The following MICALL1 variants were observed in gnomAD, a reference collection of about 807,000 sequenced individuals.
MICALL1 encodes the protein MICAL-like protein 1.
In MICALL1, 61 loss-of-function variants were observed where a neutral mutation model predicts 83.7. That is an observed-to-expected ratio of 0.73 (90% CI 0.59 to 0.90). MICALL1 has a LOEUF of 0.90. Ranked by LOEUF, MICALL1 falls within the 40% of genes least tolerant of loss-of-function variation. The pLI, the probability that MICALL1 is intolerant of heterozygous loss-of-function variation, is 0.00. For missense variants in MICALL1, 1,066 were observed against 1,152.0 expected, an observed-to-expected ratio of 0.93 and a Z score of 1.08; for synonymous variants, 481 against 473.6, an observed-to-expected ratio of 1.02 and a Z score of -0.20.
At chr22:37,927,350 G>T in intron 8 of MICALL1, 61 bp from the exon 9 acceptor site, 1 of 1,466,708 alleles carries the variant, frequency 6.8e-7, no homozygotes. Context: ...GAGCCGGGAG[G>T]TGGGGCTGGA....
intron 13 of MICALL1, 25 bp from the exon 14 acceptor site, chr22:37,937,054 GC>G: frequency 6.5e-7 from 1 of 1,544,516 alleles, no homozygotes; most frequent in Non-Finnish European, 8.8e-7. Flanking sequence ...TACCACTCAT[GC>G]CCCCTAACTT....
At chr22:37,938,584 G>C (rs1460401059) in intron 15 of MICALL1, among the ~76,000 whole-genome samples, 4 of 149,320 alleles carry the variant, frequency 2.7e-5, no homozygotes, top group African/African-American at 4.9e-5. Flanking sequence ...CTCCTGAGTT[G>C]CTGGGACTAC....
In MICALL1 at chr22:37,906,773, C is replaced by G. The variant is rs2145865916; in HGVS notation, c.146+205C>G. ...CCTCCCCCGCCCGGCCGCCCTGACCCCGCCCGTGGGATCCCGAACTCTCCC... is the reference window on the plus strand; with the variant it reads ...CCTCCCCCGCCCGGCCGCCCTGACCGCGCCCGTGGGATCCCGAACTCTCCC... On this transcript the variant is annotated intron_variant, in intron 1 of 15. Coordinates refer to ENST00000215957, the MANE Select transcript of MICALL1 (RefSeq NM_033386.4). This position sits in a 1 kb window ranked among gnomAD's most constrained non-coding sequence, Gnocchi z 4.4. 4.1e-6 allele frequency: 1 copy of G among 244,250 alleles called. No individual in the cohort carries two copies. Among genetic ancestry groups the G allele is most frequent in the East Asian group, 1.1e-4 (1 of 9,224 alleles). 15.1% of individuals were successfully genotyped at this position (244,250 alleles called of 1,614,324 possible).
At chr22:37,936,743 T>A (rs1274898246) in intron 13 of MICALL1, among the ~76,000 whole-genome samples, 1 of 152,042 alleles carries the variant, frequency 6.6e-6, no homozygotes, top group Non-Finnish European at 1.5e-5. Flanking sequence ...ATATAAAAAA[T>A]TAGCTGAGCG....
intron 1 of MICALL1, 104 bp from the exon 2 acceptor site, chr22:37,911,848 T>G: frequency 8.8e-7 from 1 of 1,130,960 alleles, no homozygotes; most frequent in Middle Eastern, 2.0e-4. Flanking sequence ...TGATGCTGGC[T>G]GGGACAAGGT....
intron 9 of MICALL1, 48 bp from the exon 10 acceptor site, chr22:37,931,751 C>T (rs1251335836): frequency 4.3e-6 from 7 of 1,609,760 alleles, no homozygotes; most frequent in Admixed American, 1.7e-5. Flanking sequence ...TGGGGTCTCA[C>T]GTGCCCTCTT....
Position 37,929,994 on chromosome 22 carries a change from C to T in MICALL1, c.1882-1805C>T, listed in dbSNP as rs8142360. Among the ~76,000 whole-genome samples, 824 of 152,346 alleles carry T rather than the reference C, an allele frequency of 5.4e-3. 3 individuals carry two copies. The highest frequency in any genetic ancestry group is 8.1e-3 in the Admixed American group (124 of 15,296). ...GCAGGCCCCATCCTCCTCTGGGCCT[C>T]GGGCTCCCACAGATGGTGAGGGGCT... On this transcript the variant is annotated intron_variant, in intron 9 of 15. Transcript: ENST00000215957.
intron 5 of MICALL1, among the ~76,000 whole-genome samples, chr22:37,920,220 T>TA (rs1000242558): frequency 4.6e-5 from 7 of 151,644 alleles, no homozygotes; most frequent in Non-Finnish European, 1.0e-4. Context: ...GCAAGGAAAG[T>TA]AAAAAAACTT....
chr22:37,939,773 CAAAAAAAAAAAA>C (rs147934175), intron 15 of MICALL1, among the ~76,000 whole-genome samples: 2 of 44,466 alleles, frequency 4.5e-5, no homozygotes, highest in Non-Finnish European at 8.0e-5. Flanking sequence ...GTCTCCGTCT[CAAAAAAAAAAAA>C]AAAAAAAAAA....
intron 1 of MICALL1, among the ~76,000 whole-genome samples, chr22:37,911,443 C>T (rs1928316351): frequency 6.6e-6 from 1 of 152,220 alleles, no homozygotes; most frequent in Non-Finnish European, 1.5e-5. Context: ...TGTGGATTCC[C>T]AGGGCTGGTG....
intron 9 of MICALL1, among the ~76,000 whole-genome samples, chr22:37,931,188 A>G (rs1929766676): frequency 6.6e-6 from 1 of 152,162 alleles, no homozygotes; most frequent in Non-Finnish European, 1.5e-5. Context: ...ACCTCTCTGA[A>G]CTTGAGTTTA....
rs769224956 is a variant in MICALL1 at position 37,940,851 on chromosome 22, G to A, written c.*21G>A. On this transcript the variant is annotated 3_prime_UTR_variant, in exon 16 of 16. Transcript: ENST00000215957. ...GCTAACAGCACGAGAAGCCAGTTGG[G>A]GACTGCCCCCTCCTGGAGCAGCTCC... 12 of 1,612,964 alleles carry A rather than the reference G, an allele frequency of 7.4e-6. No homozygotes were observed. Among genetic ancestry groups the A allele is most frequent in the South Asian group, 4.4e-5 (4 of 91,038 alleles).
intron 13 of MICALL1, 69 bp downstream of exon 13, chr22:37,933,181 C>T (rs556618136): frequency 3.2e-5 from 48 of 1,522,290 alleles, no homozygotes; most frequent in South Asian, 3.0e-4. Flanking sequence ...AGTGGGGGAG[C>T]GGGCAGACAA....
intron 3 of MICALL1, among the ~76,000 whole-genome samples, chr22:37,914,507 A>G (rs1006658335): frequency 1.3e-5 from 2 of 151,734 alleles, no homozygotes; most frequent in Non-Finnish European, 2.9e-5. Context: ...GATTACAGGC[A>G]TGAGCCACTG....
chr22:37,914,048 G>A (rs1302095923), intron 3 of MICALL1, among the ~76,000 whole-genome samples: 1 of 151,762 alleles, frequency 6.6e-6, no homozygotes. Flanking sequence ...GCTAATTTTT[G>A]TATTTTTAGT....
chr22:37,932,452 C>G lies in MICALL1; in HGVS notation c.2017-101C>G, dbSNP rs536116399. On this transcript the variant is annotated intron_variant, in intron 10 of 15. Transcript: ENST00000215957. This position sits in a 1 kb window ranked among gnomAD's most constrained non-coding sequence, Gnocchi z 4.4. ...CCATGCTGGGGTGGGGGACAGGGCCCGGGCCCTGGAGCCACCAGTGGCCAA... is the reference window on the plus strand; with the variant it reads ...CCATGCTGGGGTGGGGGACAGGGCCGGGGCCCTGGAGCCACCAGTGGCCAA... The G allele has an allele frequency of 7.2e-5, 110 of 1,535,850 alleles. 1 individual carries two copies. In the East Asian group the frequency reaches 2.4e-3, roughly 34 times the overall value.
intron 9 of MICALL1, among the ~76,000 whole-genome samples, chr22:37,928,167 A>T (rs1286410740): frequency 6.6e-6 from 1 of 150,850 alleles, no homozygotes; most frequent in Admixed American, 6.6e-5. Flanking sequence ...CAGCCTCCCA[A>T]AGTGCTGGGA....
intron 2 of MICALL1, 136 bp downstream of exon 2, chr22:37,912,136 C>T (rs1178954203): frequency 6.9e-6 from 8 of 1,163,384 alleles, no homozygotes; most frequent in Non-Finnish European, 1.0e-5. Flanking sequence ...CTTTCCCCAC[C>T]CTCTGCTTCC....
Position 37,925,816 on chromosome 22 carries a change from C to G in MICALL1, c.1238C>G (p.Pro413Arg). 2 of 1,613,798 alleles carry G rather than the reference C, an allele frequency of 1.2e-6. No homozygotes were observed. Among genetic ancestry groups the G allele is most frequent in the African/African-American group, 1.3e-5 (1 of 75,010 alleles). ...GGAGGCACCGAGGAGGTGGCCCAGC[C>G]GAGCCCAACGGCCAGCCTGGAGTCC... ...ENGGTEEVAQ[P>R]SPTASLESKP... is the part of the protein sequence containing the mutation. The change falls in exon 8 of 16, where the codon CCG becomes CGG. Residue 413 changes from proline (P) to arginine (R), a missense_variant. Transcript: ENST00000215957.
Sources: gnomAD v4.1 joint callset for allele counts (sites outside exome capture counted in the v4.1 genomes callset) on GRCh38, gnomAD v4.1.1 for gene constraint, Gnocchi (gnomAD v3.1) non-coding constraint, MANE v1.5 for transcripts, NCBI Gene and HGNC (gene_info 2026-07-23, HGNC 2026-07-21) for gene names.